Variants in HNF4G observed in about 807,000 individuals in gnomAD.
The protein encoded by HNF4G is hepatocyte nuclear factor 4 gamma.
A neutral mutation model predicts 50.9 loss-of-function variants in HNF4G; 21 were observed. The observed-to-expected ratio is 0.41, with a 90% CI of 0.29 to 0.59. The LOEUF (loss-of-function observed/expected upper bound fraction) is 0.59. Among genes scored for constraint, HNF4G ranks in the 20% least tolerant of loss-of-function variants. The pLI, the probability that HNF4G is intolerant of heterozygous loss-of-function variation, is 0.26. For missense variants in HNF4G, 527 were observed against 559.4 expected, an observed-to-expected ratio of 0.94 and a Z score of 0.58; for synonymous variants, 198 against 185.6, an observed-to-expected ratio of 1.07 and a Z score of -0.54.
chr8:75,456,283 G>A (rs1426010142), intron 1 of HNF4G, among the ~76,000 whole-genome samples: 1 of 152,068 alleles, frequency 6.6e-6, no homozygotes, highest in Non-Finnish European at 1.5e-5. Flanking sequence ...CAAATTCATT[G>A]AGTACCTACT....
At chr8:75,511,081 C>T (rs1316258732) in intron 2 of HNF4G, among the ~76,000 whole-genome samples, 1 of 151,918 alleles carries the variant, frequency 6.6e-6, no homozygotes, top group East Asian at 1.9e-4. Flanking sequence ...TTTTTCTGTT[C>T]TGAGACAATA....
intron 1 of HNF4G, among the ~76,000 whole-genome samples, chr8:75,465,885 A>T (rs772779559): frequency 2.6e-5 from 4 of 152,102 alleles, no homozygotes; most frequent in African/African-American, 9.7e-5. Context: ...TCCTCCTTCT[A>T]TTGGAAATGA....
chr8:75,543,742 T>C (rs1806693610), intron 1 of HNF4G, 69 bp from the exon 2 acceptor site: 1 of 1,340,634 alleles, frequency 7.5e-7, no homozygotes, highest in Non-Finnish European at 1.0e-6. Context: ...AGCCTATAAA[T>C]AATTAGTAGG....
Position 75,476,997 on chromosome 8 carries a change from T to C in HNF4G, c.-143-13092T>C, listed in dbSNP as rs543242494. ...GTTTAATGTAGTGCTTGATTATCTG[T>C]CTTATCTATTTTCAAGTAAAACTAA... On this transcript the variant is annotated intron_variant, in intron 1 of 10. Transcript: ENST00000354370. Among the ~76,000 whole-genome samples the C allele has an allele frequency of 3.9e-5, 6 of 152,310 alleles. No homozygotes were observed. In the East Asian group the frequency reaches 7.7e-4, roughly 20 times the overall value.
At chr8:75,497,375 A>G (rs1043056436) in intron 2 of HNF4G, among the ~76,000 whole-genome samples, 1 of 152,142 alleles carries the variant, frequency 6.6e-6, no homozygotes, top group African/African-American at 2.4e-5. Context: ...ACACCTAATA[A>G]TGTATTGAAG....
chr8:75,439,421 G>A (rs1444020879), intron 1 of HNF4G, among the ~76,000 whole-genome samples: 1 of 151,866 alleles, frequency 6.6e-6, no homozygotes, highest in Non-Finnish European at 1.5e-5. Flanking sequence ...ATTTTTTGCT[G>A]ATGTGCAGTA....
chr8:75,411,630 AC>A (rs2130460837), intron 1 of HNF4G, among the ~76,000 whole-genome samples: 1 of 152,230 alleles, frequency 6.6e-6, no homozygotes, highest in South Asian at 2.1e-4. Flanking sequence ...TAGGGAGTTC[AC>A]TTTTTTTCTT....
chr8:75,449,318 C>A (rs1242834949), intron 1 of HNF4G, among the ~76,000 whole-genome samples: 1 of 151,954 alleles, frequency 6.6e-6, no homozygotes, highest in East Asian at 1.9e-4. Flanking sequence ...AGAATTAAAG[C>A]AGCTATAAAC....
chr8:75,471,358 C>T (rs1389003633), intron 1 of HNF4G, among the ~76,000 whole-genome samples: 1 of 152,112 alleles, frequency 6.6e-6, no homozygotes, highest in Non-Finnish European at 1.5e-5. Flanking sequence ...TGCAGTATAT[C>T]TAAGCAATTA....
intron 1 of HNF4G, among the ~76,000 whole-genome samples, chr8:75,444,272 A>C (rs1286620475): frequency 3.3e-5 from 5 of 151,812 alleles, no homozygotes; most frequent in Admixed American, 6.6e-5. Context: ...AGAGCTCCTG[A>C]AGGAAGCGCT....
chr8:75,466,534 C>CTTCT (rs1308378322), intron 1 of HNF4G, among the ~76,000 whole-genome samples: 1 of 149,244 alleles, frequency 6.7e-6, no homozygotes. Context: ...TCCTTCCTTC[C>CTTCT]TTCTCTCCTC....
chr8:75,450,152 C>G (rs940764240), intron 1 of HNF4G, among the ~76,000 whole-genome samples: 1 of 152,078 alleles, frequency 6.6e-6, no homozygotes, highest in Non-Finnish European at 1.5e-5. Context: ...ACAATGTCCT[C>G]CAGGTTCACC....
intron 2 of HNF4G, among the ~76,000 whole-genome samples, chr8:75,508,709 G>C (rs751570212): frequency 1.2e-4 from 18 of 152,154 alleles, no homozygotes; most frequent in Non-Finnish European, 2.5e-4. Flanking sequence ...GACAGGAGCC[G>C]TAACCACGTA....
intron 4 of HNF4G, 116 bp downstream of exon 4, chr8:75,551,610 T>G: frequency 1.6e-6 from 1 of 613,438 alleles, no homozygotes; most frequent in Non-Finnish European, 2.9e-6. Context: ...ATAAGTTACA[T>G]CTACACACAA....
intron 4 of HNF4G, 79 bp downstream of exon 4, chr8:75,551,573 G>C (rs768117884): frequency 1.9e-5 from 16 of 842,390 alleles, no homozygotes; most frequent in Non-Finnish European, 2.8e-5. Context: ...AATAATCTAA[G>C]TTTTTTCAAA....
intron 2 of HNF4G, among the ~76,000 whole-genome samples, chr8:75,492,495 T>C (rs776631127): frequency 5.9e-5 from 9 of 151,496 alleles, no homozygotes; most frequent in Admixed American, 1.3e-4. Context: ...GTGACCCCCC[T>C]ATGTTTGCAC....
intron 2 of HNF4G, among the ~76,000 whole-genome samples, chr8:75,530,397 T>C (rs985447742): frequency 4.0e-5 from 6 of 150,012 alleles, no homozygotes; most frequent in Admixed American, 4.0e-4. Context: ...GGCAGGCAGA[T>C]CTGGATATGA....
chr8:75,416,184 A>C lies in HNF4G; in HGVS notation c.-144+8022A>C, dbSNP rs180772596. Among the ~76,000 whole-genome samples the C allele has an allele frequency of 2.7e-4, 41 of 152,130 alleles. No homozygotes were observed. The East Asian group carries it at 7.2e-3, about 27-fold the overall frequency. Reference sequence around the variant, plus strand: ...TGTTTTATTTTTAATGTCTCATGGGAATTCAAAGAACTTACTTTTTCAAAC... The same window carrying C: ...TGTTTTATTTTTAATGTCTCATGGGCATTCAAAGAACTTACTTTTTCAAAC... On this transcript the variant is annotated intron_variant, in intron 1 of 10. Coordinates refer to the HNF4G transcript ENST00000354370.
intron 1 of HNF4G, among the ~76,000 whole-genome samples, chr8:75,443,484 C>T (rs1393900195): frequency 2.6e-5 from 4 of 152,062 alleles, no homozygotes; most frequent in Non-Finnish European, 5.9e-5. Flanking sequence ...TTATTTTAGC[C>T]TCATAATGAA....
Sources: gnomAD v4.1 joint callset for allele counts (sites outside exome capture counted in the v4.1 genomes callset) on GRCh38, gnomAD v4.1.1 for gene constraint, MANE v1.5 for transcripts, NCBI Gene and HGNC (gene_info 2026-07-23, HGNC 2026-07-21) for gene names.